The following UNC5D variants were observed in gnomAD, a reference collection of about 807,000 sequenced individuals.
UNC5D encodes the protein unc-5 netrin receptor D, also known as netrin receptor UNC5D.
Under a neutral mutation model 105.4 loss-of-function variants are expected in UNC5D, and 39 were observed. The ratio of observed to expected loss-of-function variants is 0.37; its 90% CI spans 0.29 to 0.48. The LOEUF (loss-of-function observed/expected upper bound fraction) is 0.48, where lower values mean the gene tolerates loss of function less well. UNC5D is among the 20% of genes least tolerant of loss of function. The pLI, the probability that UNC5D is intolerant of heterozygous loss-of-function variation, is 0.98. For missense variants in UNC5D, 991 were observed against 1,202.4 expected (o/e 0.82, Z 2.60); for synonymous variants, 452 against 450.4 (o/e 1.00, Z -0.04).
In UNC5D at chr8:35,568,239, C is replaced by T. The variant is rs1324666336; in HGVS notation, c.464C>T (p.Ala155Val). 1 of 1,613,640 alleles carries T rather than the reference C, an allele frequency of 6.2e-7. No individual in the cohort carries two copies. Among genetic ancestry groups the T allele is most frequent in the Non-Finnish European group, 8.5e-7 (1 of 1,179,796 alleles). ...SKSRKASVRI[A>V]YLRKNFEQDP... The stretch of plus-strand genomic sequence containing the variant: ...AGCAGGAAGGCCTCTGTGCGCATAG[C>T]CTGTAAGTACATTCTGGGTGACCTT... Residue 155 changes from alanine (A) to valine (V), a missense_variant and splice_region_variant, in exon 3 of 17, where the codon GCC becomes GTC. Physicochemically the swap from Ala to Val is moderately conservative, Grantham distance 64. Coordinates refer to ENST00000404895, the MANE Select transcript of UNC5D (RefSeq NM_080872.4).
At position 35,779,544 on chromosome 8, in the gene UNC5D, C is replaced by T. The variant is rs148040141; in HGVS notation, c.2657+5067C>T. On this transcript the variant is annotated intron_variant, in intron 16 of 16. Coordinates refer to ENST00000404895, the MANE Select transcript of UNC5D (RefSeq NM_080872.4). The stretch of plus-strand genomic sequence containing the variant: ...CACAATCTCGGCTTACTGCAACCTC[C>T]ACTTCCTGAGTTCAAGTGATTCTCC... Among the ~76,000 whole-genome samples the T allele has an allele frequency of 1.8e-4, 27 of 152,224 alleles. No individual in the cohort carries two copies. In the East Asian group the frequency reaches 5.2e-3, roughly 30 times the overall value.
At chr8:35,498,616 G>A (rs897397113) in intron 1 of UNC5D, among the ~76,000 whole-genome samples, 6 of 152,028 alleles carry the variant, frequency 3.9e-5, no homozygotes, top group African/African-American at 9.7e-5. Context: ...GTAGAGATAT[G>A]GGTAGATTTA....
intron 1 of UNC5D, among the ~76,000 whole-genome samples, chr8:35,445,176 G>C (rs1178605807): frequency 1.3e-5 from 2 of 151,902 alleles, no homozygotes; most frequent in South Asian, 4.2e-4. Context: ...TACCTCCTGG[G>C]TTCAGGGTTC....
At chr8:35,650,974 GT>G (rs1355340903) in intron 4 of UNC5D, among the ~76,000 whole-genome samples, 6 of 152,178 alleles carry the variant, frequency 3.9e-5, no homozygotes, top group Middle Eastern at 3.2e-3. Flanking sequence ...TCTGACAGAT[GT>G]TTGGATCTGT....
chr8:35,488,322 A>C (rs1166666594), intron 1 of UNC5D, among the ~76,000 whole-genome samples: 1 of 152,180 alleles, frequency 6.6e-6, no homozygotes, highest in African/African-American at 2.4e-5. Context: ...GATTTCTTGG[A>C]TTCTAAAGGA....
chr8:35,645,371 T>C (rs1822984042), intron 4 of UNC5D, among the ~76,000 whole-genome samples: 1 of 152,160 alleles, frequency 6.6e-6, no homozygotes, highest in African/African-American at 2.4e-5. Flanking sequence ...TTGTGTTCTA[T>C]TAGAAAGAAG....
At chr8:35,642,882 CA>C (rs1384471131) in intron 4 of UNC5D, among the ~76,000 whole-genome samples, 1 of 152,040 alleles carries the variant, frequency 6.6e-6, no homozygotes, top group African/African-American at 2.4e-5. Flanking sequence ...TTTTTAGTTA[CA>C]AGATTGTTTT....
At chr8:35,766,006 C>T (rs1008522443) in intron 14 of UNC5D, among the ~76,000 whole-genome samples, 7 of 152,088 alleles carry the variant, frequency 4.6e-5, no homozygotes, top group African/African-American at 1.7e-4. Context: ...AAAAAAATTT[C>T]GGTGACTAAC....
intron 1 of UNC5D, among the ~76,000 whole-genome samples, chr8:35,370,217 C>A (rs1044042121): frequency 2.6e-5 from 4 of 152,138 alleles, no homozygotes; most frequent in Non-Finnish European, 5.9e-5. Flanking sequence ...ACCATGGCTA[C>A]TCATTTTGAA....
At chr8:35,587,330 T>C (rs1330462848) in intron 3 of UNC5D, among the ~76,000 whole-genome samples, 2 of 152,124 alleles carry the variant, frequency 1.3e-5, no homozygotes, top group Non-Finnish European at 1.5e-5. Flanking sequence ...TGACAATGAA[T>C]GAAAGTGTTA....
intron 7 of UNC5D, among the ~76,000 whole-genome samples, chr8:35,695,899 T>C (rs1249094090): frequency 6.6e-6 from 1 of 151,966 alleles, no homozygotes; most frequent in Admixed American, 6.6e-5. Context: ...CATGCCTGGC[T>C]AATGTTTGTA....
At chr8:35,265,076 T>C (rs1270828654) in intron 1 of UNC5D, among the ~76,000 whole-genome samples, 1 of 152,184 alleles carries the variant, frequency 6.6e-6, no homozygotes. Flanking sequence ...CTATCTTCCA[T>C]ATTGTGAGGA....
chr8:35,612,807 A>G (rs758944542), intron 4 of UNC5D, among the ~76,000 whole-genome samples: 5 of 130,102 alleles, frequency 3.8e-5, no homozygotes, highest in Admixed American at 1.9e-4. Context: ...GAGAAGGCCT[A>G]TTAATCTTGG....
intron 1 of UNC5D, among the ~76,000 whole-genome samples, chr8:35,538,439 A>G (rs189369420): frequency 2.9e-3 from 366 of 126,800 alleles, no homozygotes; most frequent in African/African-American, 0.01. Context: ...ATATATATAT[A>G]TGAATTTTAT....
intron 1 of UNC5D, among the ~76,000 whole-genome samples, chr8:35,389,591 T>A (rs902707756): frequency 1.3e-5 from 2 of 152,168 alleles, no homozygotes; most frequent in Admixed American, 1.3e-4. Flanking sequence ...AAGAACATTA[T>A]GACTTGCTAA....
At chr8:35,678,882 C>T (rs537040276) in intron 4 of UNC5D, among the ~76,000 whole-genome samples, 6 of 151,900 alleles carry the variant, frequency 3.9e-5, no homozygotes, top group Non-Finnish European at 7.4e-5. Flanking sequence ...TGTTGTTAAA[C>T]TCTCACCCTT....
At chr8:35,336,086 T>G (rs958747131) in intron 1 of UNC5D, among the ~76,000 whole-genome samples, 2 of 152,052 alleles carry the variant, frequency 1.3e-5, no homozygotes, top group African/African-American at 4.8e-5. Flanking sequence ...TCTAAAAGAC[T>G]CTATTCACAT....
chr8:35,402,427 A>G (rs968297840), intron 1 of UNC5D, among the ~76,000 whole-genome samples: 1 of 152,032 alleles, frequency 6.6e-6, no homozygotes, highest in Non-Finnish European at 1.5e-5. Flanking sequence ...CCACCACCGG[A>G]ACAGTATGTG....
At chr8:35,245,488 C>G (rs1803036675) in intron 1 of UNC5D, among the ~76,000 whole-genome samples, 1 of 151,942 alleles carries the variant, frequency 6.6e-6, no homozygotes, top group Non-Finnish European at 1.5e-5. Context: ...AAAGTTGTTT[C>G]TCTTAAAAAA....
Sources: gnomAD v4.1 joint callset for allele counts (sites outside exome capture counted in the v4.1 genomes callset) on GRCh38, gnomAD v4.1.1 for gene constraint, MANE v1.5 for transcripts, NCBI Gene and HGNC (gene_info 2026-07-23, HGNC 2026-07-21) for gene names.